Variants in SERGEF observed in about 807,000 individuals in gnomAD.
The protein encoded by SERGEF is secretion regulating guanine nucleotide exchange factor, also known as secretion-regulating guanine nucleotide exchange factor.
In SERGEF, 51 loss-of-function variants were observed where a neutral mutation model predicts 50.0. That is an observed-to-expected ratio of 1.02 (90% confidence interval 0.81 to 1.29). SERGEF has a LOEUF of 1.29. Ranked by LOEUF, SERGEF falls within the 50% of genes most tolerant of loss-of-function variation. The pLI, the probability that SERGEF is intolerant of heterozygous loss-of-function variation, is 0.00. For synonymous variants in SERGEF, 205 were observed against 212.4 expected (o/e 0.97, Z 0.30); for missense variants, 521 against 557.0 (o/e 0.94, Z 0.65).
intron 9 of SERGEF, among the ~76,000 whole-genome samples, chr11:17,895,525 G>C (rs1210092577): frequency 3.3e-5 from 5 of 152,300 alleles, no homozygotes; most frequent in Admixed American, 2.0e-4. Context: ...CAGAAGTCCA[G>C]TTCCTAGCTG....
chr11:17,825,653 G>A (rs1384081631), intron 10 of SERGEF, among the ~76,000 whole-genome samples: 1 of 152,150 alleles, frequency 6.6e-6, no homozygotes, highest in East Asian at 1.9e-4. Flanking sequence ...TCCATGGTTT[G>A]CACACATGCT....
chr11:17,798,151 G>A (rs1456434468), intron 10 of SERGEF, among the ~76,000 whole-genome samples: 1 of 152,188 alleles, frequency 6.6e-6, no homozygotes, highest in Admixed American at 6.5e-5. Context: ...GAATTGATGG[G>A]TTCTAAGCTG....
chr11:17,830,560 G>T (rs10466421), intron 10 of SERGEF, among the ~76,000 whole-genome samples: 67,464 of 145,404 alleles, frequency 0.46, 16,192 homozygotes, highest in East Asian at 0.84. Flanking sequence ...GAGGGAGAGA[G>T]AGAGGAAGAG....
At chr11:17,795,421 T>C (rs538994360) in intron 10 of SERGEF, among the ~76,000 whole-genome samples, 25 of 152,270 alleles carry the variant, frequency 1.6e-4, no homozygotes, top group Admixed American at 9.8e-4. Flanking sequence ...CTCACGTCCC[T>C]TGCCCTATCC....
At position 17,963,685 on chromosome 11, in the gene SERGEF, G is replaced by A. The variant is rs78287341; in HGVS notation, c.845-4049C>T. On this transcript the variant is annotated intron_variant, in intron 8 of 10. Coordinates refer to ENST00000265965, the MANE Select transcript of SERGEF (RefSeq NM_012139.4). ...ACAGGTGTGAGCCAACACGCCTGAC[G>A]TCTATTAGTAAAATATTTTTTAACA... Among the ~76,000 whole-genome samples the A allele has an allele frequency of 5.7e-3, 872 of 152,182 alleles. 6 individuals carry two copies. The highest frequency in any genetic ancestry group is 0.018 in the African/African-American group (755 of 41,522).
chr11:17,909,756 G>T (rs1851913889), intron 9 of SERGEF, among the ~76,000 whole-genome samples: 1 of 152,218 alleles, frequency 6.6e-6, no homozygotes, highest in African/African-American at 2.4e-5. Context: ...ATTCAGAGAA[G>T]TAGAAACCAG....
chr11:17,827,078 G>C (rs1163310099), intron 10 of SERGEF, among the ~76,000 whole-genome samples: 2 of 152,194 alleles, frequency 1.3e-5, no homozygotes, highest in Non-Finnish European at 1.5e-5. Context: ...TCTCAAGCCT[G>C]AGATTTTATT....
In SERGEF at chr11:18,008,166, A is replaced by C. The variant is rs567609896; in HGVS notation, c.61-90T>G. ...GTCTCTGTCTCTCTCACCCTGACGT[A>C]TCTCTCAGACCCTGTAACAGATGAG... On this transcript the variant is annotated intron_variant, in intron 1 of 10. Transcript: ENST00000265965. 9.6e-6 allele frequency: 13 copies of C among 1,350,058 alleles called. No individual in the cohort carries two copies. The African/African-American group carries it at 1.9e-4, about 19-fold the overall frequency. The allele number at this position is 1,350,058 out of a possible 1,614,324, so 83.6% of individuals were successfully genotyped here.
At chr11:17,865,138 G>A (rs1850998092) in intron 10 of SERGEF, among the ~76,000 whole-genome samples, 1 of 152,172 alleles carries the variant, frequency 6.6e-6, no homozygotes, top group Non-Finnish European at 1.5e-5. Context: ...AAGATTATAA[G>A]GGAGCTGAAA....
intron 5 of SERGEF, among the ~76,000 whole-genome samples, chr11:17,997,866 T>C (rs1853870489): frequency 6.6e-6 from 1 of 152,122 alleles, no homozygotes; most frequent in Non-Finnish European, 1.5e-5. Flanking sequence ...GTGATTGCCA[T>C]GGGCCAGTGG....
chr11:17,877,657 G>A (rs932456855), intron 10 of SERGEF, among the ~76,000 whole-genome samples: 7 of 152,190 alleles, frequency 4.6e-5, no homozygotes, highest in African/African-American at 1.7e-4. Flanking sequence ...AAGCCTTCTT[G>A]AATGAATTAC....
At chr11:17,966,331 C>T (rs1056011898) in intron 8 of SERGEF, among the ~76,000 whole-genome samples, 2 of 152,166 alleles carry the variant, frequency 1.3e-5, no homozygotes, top group Admixed American at 6.5e-5. Context: ...ACTCAAGACT[C>T]GTAAGACTTG....
chr11:17,968,814 T>C (rs759647252), intron 8 of SERGEF, among the ~76,000 whole-genome samples: 2 of 151,910 alleles, frequency 1.3e-5, no homozygotes, highest in Non-Finnish European at 2.9e-5. Context: ...GCAAATGACG[T>C]TAATTGCTAC....
chr11:17,961,954 T>A (rs1853009242), intron 8 of SERGEF, among the ~76,000 whole-genome samples: 1 of 152,234 alleles, frequency 6.6e-6, no homozygotes, highest in Non-Finnish European at 1.5e-5. Context: ...GCTGGCTCAA[T>A]CCTCACAATA....
At chr11:18,012,128 T>G (rs1854208545) in intron 1 of SERGEF, among the ~76,000 whole-genome samples, 1 of 152,182 alleles carries the variant, frequency 6.6e-6, no homozygotes, top group South Asian at 2.1e-4. Context: ...ACCTACAATG[T>G]GCCAGACACC....
intron 9 of SERGEF, among the ~76,000 whole-genome samples, chr11:17,923,665 T>C (rs1160360873): frequency 6.6e-6 from 1 of 152,188 alleles, no homozygotes; most frequent in Non-Finnish European, 1.5e-5. Flanking sequence ...AAAAGGTGAC[T>C]GAGATTTTGA....
At chr11:17,877,946 T>G in intron 10 of SERGEF, 1 of 370,664 alleles carries the variant, frequency 2.7e-6, no homozygotes, top group South Asian at 5.5e-5. Flanking sequence ...GCCTGTGAGT[T>G]CTTTAATATG....
At chr11:17,886,281 C>T (rs1221545835) in intron 9 of SERGEF, among the ~76,000 whole-genome samples, 2 of 152,094 alleles carry the variant, frequency 1.3e-5, no homozygotes, top group Non-Finnish European at 2.9e-5. Flanking sequence ...TGAAAGGAGA[C>T]TATAAGCATT....
chr11:17,895,337 A>G (rs1466403728), intron 9 of SERGEF, among the ~76,000 whole-genome samples: 1 of 152,244 alleles, frequency 6.6e-6, no homozygotes, highest in Non-Finnish European at 1.5e-5. Flanking sequence ...TATCATAGCA[A>G]GTGTATACAA....
Sources: gnomAD v4.1 joint callset for allele counts (sites outside exome capture counted in the v4.1 genomes callset) on GRCh38, gnomAD v4.1.1 for gene constraint, MANE v1.5 for transcripts, NCBI Gene and HGNC (gene_info 2026-07-23, HGNC 2026-07-21) for gene names.